CHSY3: variants seen among roughly 807,000 people sequenced by gnomAD.
CHSY3 encodes chondroitin sulfate synthase 3.
CHSY3 carries 35 observed loss-of-function variants against 67.2 expected under a neutral mutation model. The observed-to-expected ratio is 0.52, with a 90% CI of 0.40 to 0.69. The LOEUF (loss-of-function observed/expected upper bound fraction) is 0.69. Ranked by LOEUF, CHSY3 falls within the 30% of genes least tolerant of loss-of-function variation. The pLI, the probability that CHSY3 is intolerant of heterozygous loss-of-function variation, is 0.00. For missense variants in CHSY3, 1,069 were observed against 1,138.5 expected (o/e 0.94, Z 0.88); for synonymous variants, 474 against 434.7 (o/e 1.09, Z -1.12).
chr5:130,044,519 G>A (rs544114886), intron 2 of CHSY3, among the ~76,000 whole-genome samples: 17 of 152,224 alleles, frequency 1.1e-4, no homozygotes, highest in Admixed American at 1.1e-3. Flanking sequence ...ATAGTTGCTG[G>A]AGAGAATATG....
chr5:130,099,352 G>A (rs1196686832), intron 2 of CHSY3, among the ~76,000 whole-genome samples: 9 of 152,200 alleles, frequency 5.9e-5, no homozygotes. Context: ...TAGCAATATA[G>A]AGAGGCAAGT....
At chr5:129,979,199 C>CAAAAAAAAAAAAAAAAAAAAA in intron 2 of CHSY3, among the ~76,000 whole-genome samples, 1 of 62,534 alleles carries the variant, frequency 1.6e-5, no homozygotes, top group Admixed American at 2.5e-4. Flanking sequence ...GACTCCGTCT[C>CAAAAAAAAAAAAAAAAAAAAA]AAAAAAAAAA....
chr5:129,970,174 G>A (rs1762598378), intron 2 of CHSY3, among the ~76,000 whole-genome samples: 1 of 151,794 alleles, frequency 6.6e-6, no homozygotes, highest in African/African-American at 2.4e-5. Flanking sequence ...AAGACTTACT[G>A]AAATTATTTT....
intron 2 of CHSY3, among the ~76,000 whole-genome samples, chr5:129,962,872 G>A (rs1762372478): frequency 6.6e-6 from 1 of 151,990 alleles, no homozygotes; most frequent in Admixed American, 6.6e-5. Flanking sequence ...TGAGAGGTTA[G>A]AACACATGGG....
intron 2 of CHSY3, among the ~76,000 whole-genome samples, chr5:130,066,407 C>A (rs1056319989): frequency 6.6e-6 from 1 of 152,016 alleles, no homozygotes; most frequent in Non-Finnish European, 1.5e-5. Flanking sequence ...AGTGACTCTT[C>A]CGGAGGCTCA....
At chr5:130,057,686 T>C (rs893016703) in intron 2 of CHSY3, among the ~76,000 whole-genome samples, 3 of 152,210 alleles carry the variant, frequency 2.0e-5, no homozygotes, top group East Asian at 1.9e-4. Flanking sequence ...GATGGACTCA[T>C]CTATAATTTT....
chr5:129,933,630 A>G (rs1581380823), intron 2 of CHSY3, among the ~76,000 whole-genome samples: 1 of 152,286 alleles, frequency 6.6e-6, no homozygotes, highest in East Asian at 1.9e-4. Flanking sequence ...AAAGTCATTG[A>G]CAGTTTTTTA....
chr5:130,042,905 T>C (rs1441017663), intron 2 of CHSY3, among the ~76,000 whole-genome samples: 2 of 152,122 alleles, frequency 1.3e-5, no homozygotes, highest in East Asian at 1.9e-4. Context: ...TTTCGAGTTC[T>C]TCAGTAGGGT....
chr5:129,986,234 G>C (rs1763197317), intron 2 of CHSY3, among the ~76,000 whole-genome samples: 1 of 152,140 alleles, frequency 6.6e-6, no homozygotes, highest in Non-Finnish European at 1.5e-5. Context: ...TTTTTAACAT[G>C]AAGGGATGTT....
At chr5:130,134,703 T>C (rs186418555) in intron 2 of CHSY3, among the ~76,000 whole-genome samples, 52 of 152,300 alleles carry the variant, frequency 3.4e-4, no homozygotes, top group Non-Finnish European at 6.0e-4. Flanking sequence ...TTTTGTTTTG[T>C]GTTTGCATCA....
Position 130,120,238 on chromosome 5 carries a change from C to T in CHSY3, c.1087-63991C>T, listed in dbSNP as rs373106817. On this transcript the variant is annotated intron_variant, in intron 2 of 2. Transcript: ENST00000305031. Reference sequence around the variant, plus strand: ...CCCACCTCCTCCAGTGCCTCATTATCTCTTGCCTACATAGTTTTAGGGACT... The same window carrying T: ...CCCACCTCCTCCAGTGCCTCATTATTTCTTGCCTACATAGTTTTAGGGACT... Among the ~76,000 whole-genome samples the T allele has an allele frequency of 3.9e-5, 6 of 152,276 alleles. No homozygotes were observed. In the South Asian group the frequency reaches 1.2e-3, roughly 32 times the overall value.
At chr5:129,950,370 C>T (rs898354576) in intron 2 of CHSY3, among the ~76,000 whole-genome samples, 2 of 151,992 alleles carry the variant, frequency 1.3e-5, no homozygotes, top group African/African-American at 4.8e-5. Context: ...AACAAAGAAA[C>T]GATCCCTACT....
In CHSY3 at chr5:130,000,732, C is replaced by CTTTTT. The variant is rs71000946; in HGVS notation, c.1086+92394_1086+92398dup. 1.2e-3 allele frequency among the ~76,000 whole-genome samples: 92 copies of CTTTTT among 76,470 alleles called. 8 individuals carry two copies. The highest frequency in any genetic ancestry group is 2.0e-3 in the South Asian group (3 of 1,480). The allele number at this position is 76,470 out of a possible 152,430, so 50.2% of individuals were successfully genotyped here. On this transcript the variant is annotated intron_variant, in intron 2 of 2. Coordinates refer to ENST00000305031, the MANE Select transcript of CHSY3 (RefSeq NM_175856.5). ...GGACTACAAATGTGTAACTTTTCTT[C>CTTTTT]TTTTTTTTTTTTTTTTTTTTTTTTT...
chr5:130,138,359 G>A (rs1345287079), intron 2 of CHSY3, among the ~76,000 whole-genome samples: 1 of 152,222 alleles, frequency 6.6e-6, no homozygotes, highest in East Asian at 1.9e-4. Flanking sequence ...AGGTCATACA[G>A]GGTAGGCAGG....
chr5:130,014,495 C>T (rs923948930), intron 2 of CHSY3, among the ~76,000 whole-genome samples: 1 of 152,084 alleles, frequency 6.6e-6, no homozygotes, highest in Non-Finnish European at 1.5e-5. Context: ...GAGTGCCAGG[C>T]CAGATGGGGA....
chr5:130,129,724 G>A (rs879332918), intron 2 of CHSY3, among the ~76,000 whole-genome samples: 4 of 152,038 alleles, frequency 2.6e-5, no homozygotes, highest in African/African-American at 4.8e-5. Context: ...TCTGGCTCTC[G>A]CACTGCCCGT....
At chr5:130,070,705 A>G (rs542434217) in intron 2 of CHSY3, among the ~76,000 whole-genome samples, 1 of 152,246 alleles carries the variant, frequency 6.6e-6, no homozygotes, top group Non-Finnish European at 1.5e-5. Flanking sequence ...TCATATAAAA[A>G]TAAATTCAAC....
At chr5:130,106,580 A>G (rs1195692167) in intron 2 of CHSY3, among the ~76,000 whole-genome samples, 1 of 151,692 alleles carries the variant, frequency 6.6e-6, no homozygotes, top group Non-Finnish European at 1.5e-5. Flanking sequence ...CTATGAAAGA[A>G]AATAAAGTGA....
chr5:129,998,305 G>C lies in CHSY3; in HGVS notation c.1086+89945G>C, dbSNP rs570513327. On this transcript the variant is annotated intron_variant, in intron 2 of 2. Coordinates refer to ENST00000305031, the MANE Select transcript of CHSY3 (RefSeq NM_175856.5). ...GTATCTTTAAGATCCTTGTTCATTA[G>C]TATATGAGGAACTAATTTTATTAAA... Among the ~76,000 whole-genome samples the C allele has an allele frequency of 1.4e-4, 22 of 152,214 alleles. No homozygotes were observed. The South Asian group carries it at 2.9e-3, about 20-fold the overall frequency.
Sources: gnomAD v4.1 joint callset for allele counts (sites outside exome capture counted in the v4.1 genomes callset) on GRCh38, gnomAD v4.1.1 for gene constraint, MANE v1.5 for transcripts, NCBI Gene and HGNC (gene_info 2026-07-23, HGNC 2026-07-21) for gene names.